PHEX: variants seen among roughly 807,000 people sequenced by gnomAD.
The protein encoded by PHEX is phosphate regulating endopeptidase X-linked.
A neutral mutation model predicts 68.0 loss-of-function variants in PHEX; 16 were observed. The ratio of observed to expected loss-of-function variants is 0.24; its 90% CI spans 0.16 to 0.36. The LOEUF is 0.36. Ranked by LOEUF, PHEX falls within the 10% of genes least tolerant of loss-of-function variation. The probability of loss-of-function intolerance (pLI) is 1.00; values close to 1 mark genes in which losing one functional copy is unlikely to be tolerated. For missense variants in PHEX, 480 were observed against 575.5 expected, an observed-to-expected ratio of 0.83 and a Z score of 1.70; for synonymous variants, 208 against 205.1, an observed-to-expected ratio of 1.01 and a Z score of -0.12.
At chrX:22,098,899 G>T (rs1930284273) in intron 8 of PHEX, 107 bp from the exon 9 acceptor site, 1 of 626,019 alleles carries the variant, frequency 1.6e-6, no homozygotes, top group Non-Finnish European at 2.5e-6. Context: ...TGAATTATTA[G>T]GTGTGAAATC....
At chrX:22,210,664 A>G (rs1214515011) in intron 15 of PHEX, among the ~76,000 whole-genome samples, 1 of 111,396 alleles carries the variant, frequency 9.0e-6, no homozygotes, top group Non-Finnish European at 1.9e-5. Flanking sequence ...ATATGCCACA[A>G]ATATTTAAGG....
At chrX:22,083,948 CG>C (rs1929504198) in intron 5 of PHEX, among the ~76,000 whole-genome samples, 1 of 111,724 alleles carries the variant, frequency 9.0e-6, no homozygotes, top group Admixed American at 9.5e-5. Context: ...TTTCACCATT[CG>C]GTATGATGTT....
At chrX:22,126,239 G>C (rs377175700) in intron 11 of PHEX, among the ~76,000 whole-genome samples, 1 of 111,983 alleles carries the variant, frequency 8.9e-6, no homozygotes, top group East Asian at 2.8e-4. Context: ...GGTCTTGTTA[G>C]GGAGACCAAA....
chrX:22,227,399 G>T, intron 19 of PHEX, 108 bp from the exon 20 acceptor site: 1 of 557,591 alleles, frequency 1.8e-6, no homozygotes, highest in South Asian at 2.4e-5. Context: ...ATTTTGACAT[G>T]ATGCATTTTG....
chrX:22,093,483 C>G (rs1368282433), intron 6 of PHEX, among the ~76,000 whole-genome samples: 1 of 112,001 alleles, frequency 8.9e-6, no homozygotes, highest in Non-Finnish European at 1.9e-5. Flanking sequence ...CCTGAAAAGA[C>G]ACAGGGCTGC....
intron 12 of PHEX, among the ~76,000 whole-genome samples, chrX:22,146,745 A>T (rs1432795406): frequency 1.8e-5 from 2 of 111,260 alleles, no homozygotes; most frequent in African/African-American, 6.5e-5. Context: ...TGAACCCAGG[A>T]GGCAGAGGTT....
intron 11 of PHEX, among the ~76,000 whole-genome samples, chrX:22,116,473 G>T (rs1193119789): frequency 9.0e-6 from 1 of 111,615 alleles, no homozygotes; most frequent in African/African-American, 3.3e-5. Flanking sequence ...TATATGAGCA[G>T]CTTGGATGCA....
chrX:22,160,757 C>T (rs1390074674), intron 12 of PHEX, among the ~76,000 whole-genome samples: 1 of 110,741 alleles, frequency 9.0e-6, no homozygotes, highest in Non-Finnish European at 1.9e-5. Context: ...GGTGGGGATA[C>T]AGCCAAAACA....
chrX:22,070,982 T>C (rs985847552), intron 3 of PHEX, among the ~76,000 whole-genome samples: 1 of 112,072 alleles, frequency 8.9e-6, no homozygotes, highest in African/African-American at 3.2e-5. Context: ...CTTTAAATGA[T>C]TGGCCTGAGC....
chrX:22,120,831 C>A (rs1403209382), intron 11 of PHEX, among the ~76,000 whole-genome samples: 1 of 111,709 alleles, frequency 9.0e-6, no homozygotes, highest in South Asian at 3.7e-4. Flanking sequence ...TCTACTAAGG[C>A]GGAAATGTGA....
chrX:22,053,170 G>T (rs779088361), intron 3 of PHEX, among the ~76,000 whole-genome samples: 1 of 111,648 alleles, frequency 9.0e-6, no homozygotes, highest in Non-Finnish European at 1.9e-5. Flanking sequence ...TTTTATTCTG[G>T]TATTATCCTT....
chrX:22,092,035 C>G (rs1282923159), intron 6 of PHEX, among the ~76,000 whole-genome samples: 1 of 111,479 alleles, frequency 9.0e-6, no homozygotes, highest in African/African-American at 3.3e-5. Flanking sequence ...TATTACAATT[C>G]AAGGTGAGAT....
At chrX:22,061,920 G>T (rs1928383734) in intron 3 of PHEX, among the ~76,000 whole-genome samples, 1 of 111,783 alleles carries the variant, frequency 8.9e-6, no homozygotes, top group Non-Finnish European at 1.9e-5. Context: ...TCACAGTTCT[G>T]CATGGCTAGG....
intron 5 of PHEX, among the ~76,000 whole-genome samples, chrX:22,085,674 T>C (rs886625170): frequency 8.9e-6 from 1 of 111,987 alleles, no homozygotes; most frequent in African/African-American, 3.2e-5. Flanking sequence ...ATAACTGATA[T>C]GATTTCTGCT....
intron 3 of PHEX, among the ~76,000 whole-genome samples, chrX:22,063,825 ATATT>A (rs1928479902): frequency 8.9e-6 from 1 of 112,929 alleles, no homozygotes; most frequent in Non-Finnish European, 1.9e-5. Context: ...TATTTCTGAC[ATATT>A]TATTACTTTC....
chrX:22,136,170 T>G (rs1932222003), intron 12 of PHEX, among the ~76,000 whole-genome samples: 1 of 96,782 alleles, frequency 1.0e-5, no homozygotes. Context: ...ACTCCGGCGT[T>G]GTTTTTGAAA....
chrX:22,155,487 G>A (rs892667808), intron 12 of PHEX, among the ~76,000 whole-genome samples: 2 of 112,192 alleles, frequency 1.8e-5, no homozygotes, highest in Non-Finnish European at 3.8e-5. Flanking sequence ...TCTGAGAAAC[G>A]TTAGGTGTTA....
intron 15 of PHEX, among the ~76,000 whole-genome samples, chrX:22,198,094 A>G (rs976150033): frequency 2.1e-5 from 2 of 96,235 alleles, no homozygotes; most frequent in African/African-American, 4.2e-5. Flanking sequence ...ATTAATATAC[A>G]TTTATAGTTA....
At position 22,124,969 on chromosome X, in the gene PHEX, C is replaced by A. The variant is rs1467608081; in HGVS notation, c.1303-8554C>A. Among the ~76,000 whole-genome samples, 6 of 111,971 alleles carry A rather than the reference C, an allele frequency of 5.4e-5. 1 individual carries two copies. The highest frequency in any genetic ancestry group is 4.8e-4 in the Admixed American group (5 of 10,515). ...CAGCATTTTCTAACTATCCTTAGTT[C>A]TTCTGGTTTAACCACATGTCCCACT... On this transcript the variant is annotated intron_variant, in intron 11 of 21. Coordinates refer to ENST00000379374, the MANE Select transcript of PHEX (RefSeq NM_000444.6).
Sources: allele counts gnomAD v4.1 joint callset (sites outside exome capture counted in the v4.1 genomes callset), GRCh38; gene constraint gnomAD v4.1.1; transcripts MANE v1.5; gene names NCBI Gene and HGNC (gene_info 2026-07-23, HGNC 2026-07-21).